SYNDIG1: variants seen among roughly 807,000 people sequenced by gnomAD.
SYNDIG1 encodes the protein synapse differentiation-inducing gene protein 1.
Under a neutral mutation model 19.4 loss-of-function variants are expected in SYNDIG1, and 9 were observed. The ratio of observed to expected loss-of-function variants is 0.46; its 90% CI spans 0.28 to 0.81. The LOEUF (loss-of-function observed/expected upper bound fraction) is 0.81, where lower values mean the gene tolerates loss of function less well. Among genes scored for constraint, SYNDIG1 ranks in the 30% least tolerant of loss-of-function variants. The probability of loss-of-function intolerance (pLI) is 0.12; values close to 1 mark genes in which losing one functional copy is unlikely to be tolerated. For missense variants in SYNDIG1, 311 were observed against 343.3 expected (o/e 0.91, Z 0.74); for synonymous variants, 141 against 145.9 (o/e 0.97, Z 0.24).
chr20:24,568,932 C>T (rs925277947), intron 2 of SYNDIG1, among the ~76,000 whole-genome samples: 8 of 152,144 alleles, frequency 5.3e-5, no homozygotes, highest in East Asian at 3.9e-4. Context: ...AGATGGTGCA[C>T]GTCCGTAACC....
At chr20:24,583,847 C>G (rs1014715610) in intron 2 of SYNDIG1, among the ~76,000 whole-genome samples, 1 of 152,034 alleles carries the variant, frequency 6.6e-6, no homozygotes, top group Non-Finnish European at 1.5e-5. Flanking sequence ...CCCATGGACG[C>G]AAAGAGAAGA....
At chr20:24,523,193 G>T (rs1261624591) in intron 1 of SYNDIG1, among the ~76,000 whole-genome samples, 1 of 152,210 alleles carries the variant, frequency 6.6e-6, no homozygotes, top group African/African-American at 2.4e-5. Context: ...ATAGGCGAAA[G>T]ACCTTAAACA....
In SYNDIG1 at chr20:24,562,620, T is replaced by A. The variant is rs138729180; in HGVS notation, c.480+19043T>A. ...CCCAGATAATAATACAAGGGGACCA[T>A]TCTTCATTTTCCTCTGAAACAATGT... On this transcript the variant is annotated intron_variant, in intron 2 of 3. Transcript: ENST00000376862. 3.3e-4 allele frequency among the ~76,000 whole-genome samples: 50 copies of A among 152,312 alleles called. No individual in the cohort carries two copies. The East Asian group carries it at 4.2e-3, about 13-fold the overall frequency.
chr20:24,587,205 G>A (rs562151112), intron 3 of SYNDIG1, among the ~76,000 whole-genome samples: 130 of 152,304 alleles, frequency 8.5e-4, no homozygotes, highest in South Asian at 6.4e-3. Flanking sequence ...CACTATGGGC[G>A]TAGAGAGGAG....
chr20:24,540,240 TTG>T (rs1384792780), intron 1 of SYNDIG1, among the ~76,000 whole-genome samples: 1 of 152,254 alleles, frequency 6.6e-6, no homozygotes, highest in Non-Finnish European at 1.5e-5. Flanking sequence ...AGCTGATTTT[TTG>T]TGTATTAACT....
chr20:24,556,586 A>G (rs1475601013), intron 2 of SYNDIG1, among the ~76,000 whole-genome samples: 1 of 152,126 alleles, frequency 6.6e-6, no homozygotes, highest in Non-Finnish European at 1.5e-5. Context: ...GCGGGATATG[A>G]ATTTCTGGGT....
chr20:24,584,829 T>C (rs2058387506), intron 2 of SYNDIG1, 27 bp from the exon 3 acceptor site: 3 of 1,614,000 alleles, frequency 1.9e-6, no homozygotes, highest in Non-Finnish European at 2.5e-6. Flanking sequence ...TTCTCTCCTG[T>C]CCTGTCCTGC....
At chr20:24,481,464 A>T (rs2055795235) in intron 1 of SYNDIG1, among the ~76,000 whole-genome samples, 2 of 152,292 alleles carry the variant, frequency 1.3e-5, no homozygotes, top group South Asian at 4.2e-4. Context: ...TCATATGCCG[A>T]GGCTTCTGCT....
At chr20:24,657,701 C>G (rs1267075273) in intron 3 of SYNDIG1, among the ~76,000 whole-genome samples, 1 of 152,140 alleles carries the variant, frequency 6.6e-6, no homozygotes, top group East Asian at 1.9e-4. Context: ...TGAGAAGCCT[C>G]CCGTTCCTAT....
chr20:24,561,057 T>C (rs2057936158), intron 2 of SYNDIG1, among the ~76,000 whole-genome samples: 2 of 151,916 alleles, frequency 1.3e-5, no homozygotes, highest in South Asian at 4.2e-4. Flanking sequence ...CACTTCTGGG[T>C]CTGCATAGCT....
intron 3 of SYNDIG1, among the ~76,000 whole-genome samples, chr20:24,600,748 G>A (rs959425698): frequency 1.1e-4 from 16 of 151,808 alleles, no homozygotes; most frequent in African/African-American, 3.9e-4. Context: ...CTGAGTAGCT[G>A]GGATTACAGG....
chr20:24,590,989 A>G (rs1379340139), intron 3 of SYNDIG1, among the ~76,000 whole-genome samples: 2 of 151,928 alleles, frequency 1.3e-5, no homozygotes, highest in African/African-American at 2.4e-5. Flanking sequence ...AGGGGCGCGG[A>G]GGGACTTGTG....
intron 2 of SYNDIG1, among the ~76,000 whole-genome samples, chr20:24,579,124 G>A (rs544516349): frequency 4.6e-5 from 7 of 152,338 alleles, no homozygotes; most frequent in Middle Eastern, 3.4e-3. Context: ...AAAGGGGTTC[G>A]TGTTCCAGTC....
chr20:24,648,268 G>A (rs2059439456), intron 3 of SYNDIG1, among the ~76,000 whole-genome samples: 1 of 152,194 alleles, frequency 6.6e-6, no homozygotes, highest in South Asian at 2.1e-4. Flanking sequence ...CTCTTGAAGT[G>A]GGCACTTTTC....
chr20:24,652,475 G>A (rs192695909), intron 3 of SYNDIG1, among the ~76,000 whole-genome samples: 14 of 152,328 alleles, frequency 9.2e-5, no homozygotes, highest in East Asian at 3.9e-4. Context: ...CCTGTCCTAC[G>A]CTGGGCTCTG....
chr20:24,560,829 A>AT (rs1426812253), intron 2 of SYNDIG1, among the ~76,000 whole-genome samples: 1 of 145,026 alleles, frequency 6.9e-6, no homozygotes, highest in East Asian at 2.0e-4. Flanking sequence ...CAGGATTCTG[A>AT]TTTTTACCCC....
At chr20:24,609,752 T>A (rs2058817485) in intron 3 of SYNDIG1, among the ~76,000 whole-genome samples, 3 of 152,114 alleles carry the variant, frequency 2.0e-5, no homozygotes, top group Admixed American at 2.0e-4. Flanking sequence ...CTCCAGAAGC[T>A]CCATGGTTTG....
chr20:24,514,004 A>G (rs1463253616), intron 1 of SYNDIG1, among the ~76,000 whole-genome samples: 1 of 152,206 alleles, frequency 6.6e-6, no homozygotes, highest in African/African-American at 2.4e-5. Context: ...TCAACCCAGA[A>G]TTTCATATCC....
intron 1 of SYNDIG1, among the ~76,000 whole-genome samples, chr20:24,497,299 C>T (rs1426004296): frequency 2.0e-5 from 3 of 152,226 alleles, no homozygotes; most frequent in South Asian, 2.1e-4. Flanking sequence ...CCTCCCAGTT[C>T]GAGCAATTCT....
Sources: gnomAD v4.1 joint callset for allele counts (sites outside exome capture counted in the v4.1 genomes callset) on GRCh38, gnomAD v4.1.1 for gene constraint, MANE v1.5 for transcripts, NCBI Gene and HGNC (gene_info 2026-07-23, HGNC 2026-07-21) for gene names.